The following CHN2 variants were observed in gnomAD, a reference collection of about 807,000 sequenced individuals.
CHN2 encodes chimerin 2.
Under a neutral mutation model 56.3 loss-of-function variants are expected in CHN2, and 35 were observed. The observed-to-expected ratio is 0.62, with a 90% CI of 0.47 to 0.82. CHN2 has a LOEUF of 0.82. Among genes scored for constraint, CHN2 ranks in the 40% least tolerant of loss-of-function variants. The pLI, the probability that CHN2 is intolerant of heterozygous loss-of-function variation, is 0.00. For missense variants in CHN2, 491 were observed against 580.5 expected (o/e 0.85, Z 1.58); for synonymous variants, 210 against 212.8 (o/e 0.99, Z 0.12).
At chr7:29,492,187 T>C (rs1788735283) in intron 7 of CHN2, among the ~76,000 whole-genome samples, 1 of 152,220 alleles carries the variant, frequency 6.6e-6, no homozygotes, top group East Asian at 1.9e-4. Flanking sequence ...TTGATGAAAT[T>C]ATTCAATAAT....
chr7:29,287,977 C>T (rs1792292515), intron 1 of CHN2, among the ~76,000 whole-genome samples: 1 of 152,154 alleles, frequency 6.6e-6, no homozygotes, highest in South Asian at 2.1e-4. Flanking sequence ...CCTCAGAACA[C>T]TGCAATTAGA....
intron 1 of CHN2, among the ~76,000 whole-genome samples, chr7:29,312,080 T>G (rs1794641958): frequency 6.6e-6 from 1 of 152,240 alleles, no homozygotes; most frequent in South Asian, 2.1e-4. Context: ...CCTTCATTTG[T>G]CATATCAGAG....
At chr7:29,493,664 T>C (rs1788906655) in intron 7 of CHN2, among the ~76,000 whole-genome samples, 1 of 152,132 alleles carries the variant, frequency 6.6e-6, no homozygotes, top group Admixed American at 6.6e-5. Flanking sequence ...TTGACTCCTG[T>C]CTCCCTCAAA....
chr7:29,160,623 C>G (rs1795046384), intron 2 of CHN2, among the ~76,000 whole-genome samples: 1 of 152,092 alleles, frequency 6.6e-6, no homozygotes, highest in Non-Finnish European at 1.5e-5. Context: ...AATCTTCAGC[C>G]CTAACCCCAG....
intron 1 of CHN2, among the ~76,000 whole-genome samples, chr7:29,327,230 C>T (rs1028002540): frequency 3.3e-5 from 5 of 152,162 alleles, no homozygotes; most frequent in Non-Finnish European, 5.9e-5. Flanking sequence ...GAAGTGAGCT[C>T]CCCAGACCAC....
chr7:29,378,871 AGG>A (rs1800274203), intron 3 of CHN2, among the ~76,000 whole-genome samples: 1 of 152,252 alleles, frequency 6.6e-6, no homozygotes, highest in Non-Finnish European at 1.5e-5. Flanking sequence ...AGGCTGAGGC[AGG>A]AGAATCGCTT....
At chr7:29,408,964 GGA>G (rs1413470068) in intron 6 of CHN2, among the ~76,000 whole-genome samples, 2 of 152,094 alleles carry the variant, frequency 1.3e-5, no homozygotes, top group Non-Finnish European at 2.9e-5. Context: ...GTGGCTGAAA[GGA>G]GAGTTACATG....
intron 1 of CHN2, among the ~76,000 whole-genome samples, chr7:29,209,256 T>C (rs1171657680): frequency 1.3e-5 from 2 of 152,160 alleles, no homozygotes; most frequent in African/African-American, 4.8e-5. Context: ...GCCACAATTA[T>C]GTCATGAATG....
chr7:29,329,663 T>C (rs1342520299), intron 1 of CHN2, among the ~76,000 whole-genome samples: 2 of 152,196 alleles, frequency 1.3e-5, no homozygotes, highest in East Asian at 3.9e-4. Flanking sequence ...ATAATTAATG[T>C]ATAGTGTGTC....
intron 2 of CHN2, among the ~76,000 whole-genome samples, chr7:29,189,689 C>T (rs566875513): frequency 6.6e-6 from 1 of 152,030 alleles, no homozygotes; most frequent in South Asian, 2.1e-4. Flanking sequence ...CGGCCCCCCA[C>T]CCCCTACACT....
intron 6 of CHN2, among the ~76,000 whole-genome samples, chr7:29,470,925 A>G (rs536033231): frequency 1.3e-5 from 2 of 152,344 alleles, no homozygotes; most frequent in Non-Finnish European, 2.9e-5. Flanking sequence ...AGCAAGGAAA[A>G]TACAGAGAAA....
intron 6 of CHN2, among the ~76,000 whole-genome samples, chr7:29,410,573 A>G (rs958859720): frequency 2.6e-5 from 4 of 152,090 alleles, no homozygotes; most frequent in Non-Finnish European, 5.9e-5. Flanking sequence ...TTGTTTGAGG[A>G]GTCTTAGCCC....
chr7:29,335,003 A>T (rs1218945917), intron 1 of CHN2, among the ~76,000 whole-genome samples: 1 of 152,226 alleles, frequency 6.6e-6, no homozygotes, highest in East Asian at 1.9e-4. Context: ...AGTTATCTTA[A>T]TCAGTGGATA....
chr7:29,440,668 C>A (rs1290764114), intron 6 of CHN2, among the ~76,000 whole-genome samples: 2 of 103,508 alleles, frequency 1.9e-5, no homozygotes, highest in Non-Finnish European at 3.6e-5. Flanking sequence ...CTGGGCAACA[C>A]AATGAGACTC....
rs530499375 is a variant in CHN2 at position 29,378,879 on chromosome 7, C to T, written c.144+10892C>T. On this transcript the variant is annotated intron_variant, in intron 3 of 12. Coordinates refer to ENST00000222792, the MANE Select transcript of CHN2 (RefSeq NM_004067.4). ...ACTCAGGAGGCTGAGGCAGGAGAAT[C>T]GCTTGAACCCAGGAGGCGGAGGTTG... Among the ~76,000 whole-genome samples, 8 of 152,284 alleles carry T rather than the reference C, an allele frequency of 5.3e-5. No homozygotes were observed. The South Asian group carries it at 1.5e-3, about 28-fold the overall frequency.
At chr7:29,483,889 C>G in intron 7 of CHN2, 2 of 1,303,070 alleles carry the variant, frequency 1.5e-6, no homozygotes, top group South Asian at 2.5e-5. Flanking sequence ...TCAGCTCTCT[C>G]TGCCTCAGTT....
intron 2 of CHN2, among the ~76,000 whole-genome samples, chr7:29,171,467 G>A (rs560603549): frequency 6.6e-6 from 1 of 152,278 alleles, no homozygotes; most frequent in African/African-American, 2.4e-5. Context: ...TAAACTAATA[G>A]GGTGGGGATC....
At chr7:29,180,247 C>T (rs60339393) in intron 2 of CHN2, among the ~76,000 whole-genome samples, 1,853 of 152,148 alleles carry the variant, frequency 0.012, 36 homozygotes, top group African/African-American at 0.043. Context: ...ACATCTAGGC[C>T]GGGTGTGGTG....
intron 3 of CHN2, among the ~76,000 whole-genome samples, chr7:29,380,174 C>A (rs1800383236): frequency 6.6e-6 from 1 of 152,104 alleles, no homozygotes; most frequent in Non-Finnish European, 1.5e-5. Flanking sequence ...ATTCCACCCT[C>A]CTGGTGGGAG....
Sources: allele counts gnomAD v4.1 joint callset (sites outside exome capture counted in the v4.1 genomes callset), GRCh38; gene constraint gnomAD v4.1.1; transcripts MANE v1.5; gene names NCBI Gene and HGNC (gene_info 2026-07-23, HGNC 2026-07-21).